The following PLXNA4 variants were observed in gnomAD, a reference collection of about 807,000 sequenced individuals.
PLXNA4 encodes plexin A4.
A neutral mutation model predicts 191.8 loss-of-function variants in PLXNA4; 44 were observed. The ratio of observed to expected loss-of-function variants is 0.23; its 90% CI spans 0.18 to 0.29. The LOEUF (loss-of-function observed/expected upper bound fraction) is 0.29. PLXNA4 is among the 10% of genes least tolerant of loss of function. The probability of loss-of-function intolerance (pLI) is 1.00; values close to 1 mark genes in which losing one functional copy is unlikely to be tolerated. For missense variants in PLXNA4, 1,800 were observed against 2,488.8 expected, an observed-to-expected ratio of 0.72 and a Z score of 5.89; for synonymous variants, 1,082 against 1,009.5, an observed-to-expected ratio of 1.07 and a Z score of -1.36.
chr7:132,384,562 C>T (rs1805037190), intron 3 of PLXNA4: 2 of 987,932 alleles, frequency 2.0e-6, no homozygotes, highest in South Asian at 4.7e-5. Context: ...CTCTCCTGGA[C>T]CAGATGCCAA....
intron 2 of PLXNA4, among the ~76,000 whole-genome samples, chr7:132,491,995 G>A (rs547546852): frequency 3.1e-4 from 47 of 152,294 alleles, no homozygotes; most frequent in Non-Finnish European, 5.3e-4. Context: ...AGGGGTCCTC[G>A]TGGCCCTTGA....
intron 2 of PLXNA4, among the ~76,000 whole-genome samples, chr7:132,608,238 C>G (rs552562973): frequency 6.6e-6 from 1 of 152,152 alleles, no homozygotes; most frequent in African/African-American, 2.4e-5. Context: ...CCATCATCCT[C>G]ATTATTCCAT....
chr7:132,439,995 A>AGTGTGTGTGTGTGT (rs3067108), intron 3 of PLXNA4, among the ~76,000 whole-genome samples: 2 of 150,090 alleles, frequency 1.3e-5, no homozygotes, highest in African/African-American at 4.9e-5. Context: ...TGCATGTGTG[A>AGTGTGTGTGTGTGT]GTGTGTGTGT....
intron 3 of PLXNA4, among the ~76,000 whole-genome samples, chr7:132,324,045 G>A (rs1178154148): frequency 6.6e-6 from 1 of 152,098 alleles, no homozygotes; most frequent in African/African-American, 2.4e-5. Flanking sequence ...GGGTAAGGAG[G>A]GCCCTGGAGC....
At position 132,601,225 on chromosome 7, in the gene PLXNA4, A is replaced by G. The variant is rs75898850; in HGVS notation, c.-87+44703T>C. 6.7e-3 allele frequency among the ~76,000 whole-genome samples: 1,014 copies of G among 152,298 alleles called. 5 individuals are homozygous for G. Among genetic ancestry groups the G allele is most frequent in the South Asian group, 0.021 (99 of 4,820 alleles). The stretch of plus-strand genomic sequence containing the variant: ...CTGAAGGAATATTTAATGTAAAAAA[A>G]TACATATCTATTTAAAGAAACCTCC... On this transcript the variant is annotated intron_variant, in intron 2 of 4. Coordinates refer to the PLXNA4 transcript ENST00000378539.
chr7:132,643,570 G>T (rs560538948), intron 2 of PLXNA4, among the ~76,000 whole-genome samples: 1 of 152,252 alleles, frequency 6.6e-6, no homozygotes, highest in African/African-American at 2.4e-5. Flanking sequence ...ACTTTCACAG[G>T]CACCAAGGGG....
chr7:132,494,412 C>T (rs888926881), intron 2 of PLXNA4, among the ~76,000 whole-genome samples: 2 of 152,186 alleles, frequency 1.3e-5, no homozygotes, highest in Non-Finnish European at 2.9e-5. Context: ...TTCCAACCCC[C>T]TCTTGCTAAG....
chr7:132,464,880 G>A (rs925829652), intron 3 of PLXNA4, among the ~76,000 whole-genome samples: 7 of 152,240 alleles, frequency 4.6e-5, no homozygotes, highest in Non-Finnish European at 7.3e-5. Flanking sequence ...TCCTAAGGAC[G>A]AGTGTGGCCT....
At chr7:132,157,400 T>C (rs556847469) in intron 25 of PLXNA4, among the ~76,000 whole-genome samples, 125 of 152,308 alleles carry the variant, frequency 8.2e-4, no homozygotes, top group Admixed American at 1.7e-3. Context: ...TTGCATCCCA[T>C]AAAAGACTTG....
chr7:132,615,829 G>A (rs1320621317), intron 2 of PLXNA4, among the ~76,000 whole-genome samples: 1 of 151,338 alleles, frequency 6.6e-6, no homozygotes, highest in Non-Finnish European at 1.5e-5. Context: ...GCATTCATTC[G>A]CTCCTTCTCC....
intron 3 of PLXNA4, among the ~76,000 whole-genome samples, chr7:132,404,269 G>A (rs1373493232): frequency 6.6e-6 from 1 of 152,186 alleles, no homozygotes; most frequent in African/African-American, 2.4e-5. Context: ...CACAACTCCA[G>A]GAAATGTCCC....
chr7:132,224,569 C>A (rs746515489), intron 8 of PLXNA4, among the ~76,000 whole-genome samples: 2 of 152,168 alleles, frequency 1.3e-5, no homozygotes, highest in Non-Finnish European at 2.9e-5. Context: ...GTCTAATGAG[C>A]AACACATTCC....
intron 3 of PLXNA4, among the ~76,000 whole-genome samples, chr7:132,306,754 G>A (rs1262924907): frequency 4.6e-5 from 7 of 152,116 alleles, no homozygotes. Context: ...AGACATGTGT[G>A]CACACACATG....
intron 3 of PLXNA4, among the ~76,000 whole-genome samples, chr7:132,484,379 G>T (rs948480769): frequency 6.6e-6 from 1 of 152,228 alleles, no homozygotes; most frequent in African/African-American, 2.4e-5. Flanking sequence ...TGGCACACCT[G>T]TGGGATCTTC....
chr7:132,281,583 A>G (rs1800479532), intron 4 of PLXNA4, among the ~76,000 whole-genome samples: 1 of 152,204 alleles, frequency 6.6e-6, no homozygotes. Flanking sequence ...AATGATGAAA[A>G]TATTTCCAAA....
At chr7:132,415,041 C>T (rs149723541) in intron 3 of PLXNA4, among the ~76,000 whole-genome samples, 55 of 152,206 alleles carry the variant, frequency 3.6e-4, no homozygotes, top group African/African-American at 1.3e-3. Context: ...TAAGCAGAGC[C>T]GTCTCTTATT....
chr7:132,576,608 C>G (rs947467689), upstream of PLXNA4: 32 of 985,844 alleles, frequency 3.2e-5, no homozygotes, highest in Non-Finnish European at 3.9e-5. This position sits in a 1 kb window ranked among gnomAD's most constrained non-coding sequence, Gnocchi z 5.8. Context: ...AGCCGAGGAA[C>G]GCGGAGGGCG....
intron 3 of PLXNA4, among the ~76,000 whole-genome samples, chr7:132,351,003 A>C (rs1295456516): frequency 6.6e-6 from 1 of 152,238 alleles, no homozygotes; most frequent in East Asian, 1.9e-4. Flanking sequence ...TAAACCTTGA[A>C]AGCATTATGC....
intron 2 of PLXNA4, among the ~76,000 whole-genome samples, chr7:132,609,935 C>T (rs1004099126): frequency 6.6e-5 from 10 of 152,164 alleles, no homozygotes; most frequent in African/African-American, 2.2e-4. Context: ...CCCATTTCTC[C>T]AGACTCTAAC....
Sources: allele counts gnomAD v4.1 joint callset (sites outside exome capture counted in the v4.1 genomes callset), GRCh38; gene constraint gnomAD v4.1.1; non-coding constraint Gnocchi (gnomAD v3.1); transcripts MANE v1.5; gene names NCBI Gene and HGNC (gene_info 2026-07-23, HGNC 2026-07-21).